PHKB: variants seen among roughly 807,000 people sequenced by gnomAD.
PHKB encodes the protein phosphorylase kinase regulatory subunit beta, also known as phosphorylase b kinase regulatory subunit beta.
A neutral mutation model predicts 152.1 loss-of-function variants in PHKB; 122 were observed. The ratio of observed to expected loss-of-function variants is 0.80; its 90% CI spans 0.69 to 0.93. PHKB has a LOEUF of 0.93. Among genes scored for constraint, PHKB ranks in the 40% least tolerant of loss-of-function variants. The pLI is 0.00. For synonymous variants in PHKB, 436 were observed against 464.9 expected, an observed-to-expected ratio of 0.94 and a Z score of 0.80; for missense variants, 1,304 against 1,328.4, an observed-to-expected ratio of 0.98 and a Z score of 0.29.
intron 8 of PHKB, among the ~76,000 whole-genome samples, chr16:47,583,592 A>G (rs1053275400): frequency 3.9e-5 from 6 of 152,102 alleles, no homozygotes; most frequent in Non-Finnish European, 5.9e-5. Context: ...CAAAAAGTAC[A>G]TTCCTTCTTG....
At chr16:47,469,290 C>A (rs753493174) in intron 1 of PHKB, among the ~76,000 whole-genome samples, 2 of 152,090 alleles carry the variant, frequency 1.3e-5, no homozygotes, top group African/African-American at 2.4e-5. Flanking sequence ...CAACTAGGTT[C>A]AAATACTAGT....
Position 47,683,174 on chromosome 16 carries a change from A to C in PHKB, c.2631-5867A>C, listed in dbSNP as rs1432663482. ...CCATGTAAGGTGTCAGTCTGCCCCT[A>C]CTGGGGGGTGCCTCCCAGTTAGGCT... On this transcript the variant is annotated intron_variant, in intron 26 of 30. Coordinates refer to ENST00000323584, the MANE Select transcript of PHKB (RefSeq NM_000293.3). 5.3e-5 allele frequency among the ~76,000 whole-genome samples: 8 copies of C among 152,182 alleles called. No homozygotes were observed. The East Asian group carries it at 1.2e-3, about 22-fold the overall frequency.
In PHKB at chr16:47,652,752, C is replaced by A. The variant is rs1296192986; in HGVS notation, c.1971+1831C>A. Among the ~76,000 whole-genome samples, 14 of 152,232 alleles carry A rather than the reference C, an allele frequency of 9.2e-5. No homozygotes were observed. In the East Asian group the frequency reaches 2.7e-3, roughly 29 times the overall value. Reference sequence around the variant, plus strand: ...CGACCACCTAAGCTCAAGGGATCCTCCCACCTCAGCCTCCCAAGTAGCTGG... The same window carrying A: ...CGACCACCTAAGCTCAAGGGATCCTACCACCTCAGCCTCCCAAGTAGCTGG... On this transcript the variant is annotated intron_variant, in intron 20 of 30. Coordinates refer to ENST00000323584, the MANE Select transcript of PHKB (RefSeq NM_000293.3).
chr16:47,632,906 C>A (rs1339917705), intron 14 of PHKB, among the ~76,000 whole-genome samples: 1 of 151,956 alleles, frequency 6.6e-6, no homozygotes, highest in African/African-American at 2.4e-5. Context: ...GTCTTAATTA[C>A]CGTAGTTTTA....
chr16:47,678,572 T>G (rs1368942816), intron 26 of PHKB, among the ~76,000 whole-genome samples: 1 of 152,156 alleles, frequency 6.6e-6, no homozygotes, highest in Non-Finnish European at 1.5e-5. Flanking sequence ...TGTCTTCTTT[T>G]GAGAAGTGTC....
intron 1 of PHKB, among the ~76,000 whole-genome samples, chr16:47,474,010 C>T (rs1969825982): frequency 6.6e-6 from 1 of 152,122 alleles, no homozygotes; most frequent in Admixed American, 6.5e-5. Flanking sequence ...GGTCAACATT[C>T]GAGAATCTTG....
intron 24 of PHKB, chr16:47,664,166 T>C (rs1443867211): frequency 6.0e-6 from 1 of 166,498 alleles, no homozygotes; most frequent in South Asian, 1.6e-4. Flanking sequence ...ATCCCAGTGA[T>C]TGTAGTTGCT....
intron 8 of PHKB, among the ~76,000 whole-genome samples, chr16:47,585,764 AC>A (rs1402114491): frequency 2.0e-5 from 3 of 152,252 alleles, no homozygotes; most frequent in Non-Finnish European, 4.4e-5. Flanking sequence ...ATGAATTTAG[AC>A]AAATAAGCCA....
At chr16:47,530,234 C>T (rs1446974377) in intron 6 of PHKB, among the ~76,000 whole-genome samples, 1 of 148,732 alleles carries the variant, frequency 6.7e-6, no homozygotes, top group African/African-American at 2.5e-5. Context: ...CTCCTGAGTT[C>T]AAGTAATTTT....
intron 15 of PHKB, 119 bp downstream of exon 15, chr16:47,641,209 C>T: frequency 1.3e-6 from 1 of 787,184 alleles, no homozygotes; most frequent in African/African-American, 1.7e-5. Context: ...AACTCCTTTA[C>T]AGGCTTTCAA....
At chr16:47,618,536 A>T (rs757155961) in intron 14 of PHKB, among the ~76,000 whole-genome samples, 2 of 152,324 alleles carry the variant, frequency 1.3e-5, no homozygotes, top group Middle Eastern at 3.4e-3. Flanking sequence ...CTAAATAATT[A>T]TGATGTCCCC....
rs562603868 is a variant in PHKB, at chr16:47,685,711, A to G, written c.2631-3330A>G. Among the ~76,000 whole-genome samples, 43 of 151,362 alleles carry G rather than the reference A, an allele frequency of 2.8e-4. 2 individuals carry two copies. The South Asian group carries it at 4.0e-3, about 14-fold the overall frequency. On this transcript the variant is annotated intron_variant, in intron 26 of 30. Transcript: ENST00000323584. ...TATAAAAAGATTAGTTTGACCAACA[A>G]TTTTAATGAATAAATGTGGTTTTTT...
In PHKB at chr16:47,503,003, T is replaced by C. The variant is rs17738933; in HGVS notation, c.318T>C (p.Asp106=). Residue 106 remains aspartate, a synonymous_variant, in exon 4 of 31, where the codon GAT becomes GAC. Coordinates refer to ENST00000323584, the MANE Select transcript of PHKB (RefSeq NM_000293.3). The part of the protein sequence containing the change: ...ALALAYRRID[D]DKGRTHELEH... ...CTCTCTCACCCAGGCGAATTGATGA[T>C]GACAAGGGAAGGACCCATGAGCTGG... The C allele has an allele frequency of 0.018, 28,419 of 1,611,428 alleles. 335 individuals are homozygous for C. The highest frequency in any genetic ancestry group is 0.021 in the Non-Finnish European group (24,456 of 1,177,510).
chr16:47,583,072 C>T (rs1971876969), intron 8 of PHKB, among the ~76,000 whole-genome samples: 1 of 152,234 alleles, frequency 6.6e-6, no homozygotes, highest in South Asian at 2.1e-4. Flanking sequence ...GCTGGGATTA[C>T]AGCCATGAGC....
rs142791328 is a variant in PHKB at position 47,600,603 on chromosome 16, G to A, written c.1363+4072G>A. Among the ~76,000 whole-genome samples, 638 of 152,252 alleles carry A rather than the reference G, an allele frequency of 4.2e-3. 6 individuals are homozygous for A. Among genetic ancestry groups the A allele is most frequent in the African/African-American group, 0.015 (608 of 41,550 alleles). On this transcript the variant is annotated intron_variant, in intron 13 of 30. Coordinates refer to ENST00000323584, the MANE Select transcript of PHKB (RefSeq NM_000293.3). ...TACATTCTGAGAATTGTGTCATTAG[G>A]TGATTTTTAGCCTACGACGTACCTA...
chr16:47,542,318 G>A (rs1971074827), intron 6 of PHKB, among the ~76,000 whole-genome samples: 1 of 152,032 alleles, frequency 6.6e-6, no homozygotes, highest in African/African-American at 2.4e-5. Context: ...GTAGATGTGT[G>A]GTATTATTTC....
intron 16 of PHKB, among the ~76,000 whole-genome samples, chr16:47,648,234 G>A (rs990490510): frequency 6.6e-6 from 1 of 151,968 alleles, no homozygotes; most frequent in Non-Finnish European, 1.5e-5. Flanking sequence ...GGAAGCATTA[G>A]CCTCTGTGTT....
rs1301068132 is a variant in PHKB at position 47,566,547 on chromosome 16, C to T, written c.711-13748C>T. ...AAGCACTGCACTGATATTTAGTCCTCTAAAGAATTCTTTAATGTACTCTTC... is the reference window on the plus strand; with the variant it reads ...AAGCACTGCACTGATATTTAGTCCTTTAAAGAATTCTTTAATGTACTCTTC... On this transcript the variant is annotated intron_variant, in intron 7 of 30. Coordinates refer to ENST00000323584, the MANE Select transcript of PHKB (RefSeq NM_000293.3). The T allele has an allele frequency of 2.8e-5, 44 of 1,589,422 alleles. No individual in the cohort carries two copies. In the East Asian group the frequency reaches 7.4e-4, roughly 27 times the overall value.
chr16:47,598,956 C>T, intron 13 of PHKB: 2 of 1,427,898 alleles, frequency 1.4e-6, no homozygotes, highest in Non-Finnish European at 2.0e-6. Context: ...GAGTATTGCA[C>T]ACAGCCAATC....
Sources: allele counts gnomAD v4.1 joint callset (sites outside exome capture counted in the v4.1 genomes callset), GRCh38; gene constraint gnomAD v4.1.1; transcripts MANE v1.5; gene names NCBI Gene and HGNC (gene_info 2026-07-23, HGNC 2026-07-21).